The following IL1RAPL2 variants were observed in gnomAD, a reference collection of about 807,000 sequenced individuals.
IL1RAPL2 encodes the protein interleukin 1 receptor accessory protein like 2.
A neutral mutation model predicts 44.1 loss-of-function variants in IL1RAPL2; 3 were observed. That is an observed-to-expected ratio of 0.07 (90% confidence interval 0.03 to 0.18). IL1RAPL2 has a LOEUF of 0.18. IL1RAPL2 is among the 10% of genes least tolerant of loss of function. The pLI is 1.00. For missense variants in IL1RAPL2, 391 were observed against 496.4 expected, an observed-to-expected ratio of 0.79 and a Z score of 2.02; for synonymous variants, 181 against 178.8, an observed-to-expected ratio of 1.01 and a Z score of -0.10.
At chrX:105,480,953 G>A (rs941815423) in intron 5 of IL1RAPL2, among the ~76,000 whole-genome samples, 3 of 111,823 alleles carry the variant, frequency 2.7e-5, no homozygotes, top group African/African-American at 6.5e-5. Context: ...ATTTAAAGAG[G>A]CACCATAGCC....
chrX:105,679,427 T>G (rs766629298), intron 6 of IL1RAPL2, among the ~76,000 whole-genome samples: 4 of 111,959 alleles, frequency 3.6e-5, no homozygotes, highest in Non-Finnish European at 7.5e-5. Context: ...TTTATTCATA[T>G]GGTATGAGGG....
chrX:105,245,846 A>G (rs1196147600), intron 4 of IL1RAPL2, among the ~76,000 whole-genome samples: 1 of 112,661 alleles, frequency 8.9e-6, no homozygotes, highest in Admixed American at 9.4e-5. Flanking sequence ...TCTGGTGTTA[A>G]TAAGGTCAAG....
chrX:105,247,408 A>T (rs2034228611), intron 4 of IL1RAPL2, among the ~76,000 whole-genome samples: 1 of 111,170 alleles, frequency 9.0e-6, no homozygotes, highest in South Asian at 3.8e-4. Flanking sequence ...TCCAGAAACA[A>T]ATCCTGTAAT....
chrX:104,612,287 T>G (rs1435146253), intron 1 of IL1RAPL2, among the ~76,000 whole-genome samples: 1 of 112,037 alleles, frequency 8.9e-6, no homozygotes, highest in Non-Finnish European at 1.9e-5. Context: ...TGGTGTTGCC[T>G]AGGTTTTCTT....
At chrX:104,591,191 GT>G (rs1928658300) in intron 1 of IL1RAPL2, among the ~76,000 whole-genome samples, 1 of 111,023 alleles carries the variant, frequency 9.0e-6, no homozygotes, top group African/African-American at 3.3e-5. Context: ...GCTTCCTTTC[GT>G]TTGACTTTGT....
At chrX:105,444,748 C>T (rs2035943707) in intron 5 of IL1RAPL2, among the ~76,000 whole-genome samples, 1 of 110,820 alleles carries the variant, frequency 9.0e-6, no homozygotes, top group Admixed American at 9.6e-5. Flanking sequence ...ATCAACCCAT[C>T]ATCTAGGTTT....
intron 1 of IL1RAPL2, among the ~76,000 whole-genome samples, chrX:104,618,822 G>T (rs1164439379): frequency 9.0e-6 from 1 of 111,411 alleles, no homozygotes; most frequent in Non-Finnish European, 1.9e-5. Context: ...GCTATACCAG[G>T]ATCTATGCCC....
At chrX:105,072,557 C>T (rs1374292382) in intron 2 of IL1RAPL2, among the ~76,000 whole-genome samples, 1 of 110,362 alleles carries the variant, frequency 9.1e-6, no homozygotes, top group East Asian at 2.9e-4. Context: ...GTGATGTGGA[C>T]AATGAAATCC....
At chrX:105,232,980 G>C (rs2147635570) in intron 3 of IL1RAPL2, among the ~76,000 whole-genome samples, 1 of 112,058 alleles carries the variant, frequency 8.9e-6, no homozygotes, top group Non-Finnish European at 1.9e-5. Context: ...GCACATCTTA[G>C]TGAGTACCTT....
chrX:104,633,393 T>A (rs1053601894), intron 1 of IL1RAPL2, among the ~76,000 whole-genome samples: 10 of 111,822 alleles, frequency 8.9e-5, no homozygotes, highest in Admixed American at 3.8e-4. Flanking sequence ...TTTCTATTGA[T>A]TGGAATAGTT....
chrX:104,990,943 G>T (rs2147731825), intron 2 of IL1RAPL2, among the ~76,000 whole-genome samples: 1 of 111,146 alleles, frequency 9.0e-6, no homozygotes, highest in African/African-American at 3.3e-5. Context: ...CTTTAGTAAG[G>T]ATATTTGGCC....
chrX:105,301,616 A>G (rs747415366), intron 5 of IL1RAPL2, among the ~76,000 whole-genome samples: 70 of 111,134 alleles, frequency 6.3e-4, no homozygotes, highest in African/African-American at 2.2e-3. Flanking sequence ...AAATGAGAAC[A>G]TGCCACATTC....
At chrX:105,609,591 C>T (rs1463429839) in intron 6 of IL1RAPL2, among the ~76,000 whole-genome samples, 4 of 111,712 alleles carry the variant, frequency 3.6e-5, no homozygotes, top group Admixed American at 1.9e-4. Flanking sequence ...TCTGTCCCAT[C>T]CTCAGTCCAG....
intron 2 of IL1RAPL2, among the ~76,000 whole-genome samples, chrX:105,002,362 A>G (rs1049561776): frequency 1.8e-5 from 2 of 111,186 alleles, no homozygotes; most frequent in Admixed American, 1.9e-4. Flanking sequence ...CATACATATG[A>G]TGCCTTGAAA....
At chrX:105,024,452 C>A (rs1381909958) in intron 2 of IL1RAPL2, among the ~76,000 whole-genome samples, 1 of 111,146 alleles carries the variant, frequency 9.0e-6, no homozygotes, top group East Asian at 2.8e-4. Flanking sequence ...CTATCGAGCA[C>A]AGATAATTAA....
intron 5 of IL1RAPL2, among the ~76,000 whole-genome samples, chrX:105,310,947 G>A (rs2034792489): frequency 9.0e-6 from 1 of 111,554 alleles, no homozygotes; most frequent in Admixed American, 9.6e-5. Context: ...TTATGGCTTA[G>A]TGTATTTCTT....
At chrX:105,635,743 C>T (rs2037518882) in intron 6 of IL1RAPL2, among the ~76,000 whole-genome samples, 1 of 111,795 alleles carries the variant, frequency 8.9e-6, no homozygotes. Context: ...TGGACTTAAA[C>T]CTAAATCTGT....
At chrX:104,731,761 C>A (rs1931924469) in intron 2 of IL1RAPL2, among the ~76,000 whole-genome samples, 1 of 111,817 alleles carries the variant, frequency 8.9e-6, no homozygotes, top group South Asian at 3.7e-4. Flanking sequence ...AGAAAAAAAT[C>A]AGTGCTTATG....
intron 5 of IL1RAPL2, chrX:105,405,826 A>T: frequency 8.5e-7 from 1 of 1,176,555 alleles, no homozygotes; most frequent in Middle Eastern, 3.2e-4. Context: ...ACTTTATCTG[A>T]TTTGCTTTCT....
Sources: gnomAD v4.1 joint callset for allele counts (sites outside exome capture counted in the v4.1 genomes callset) on GRCh38, gnomAD v4.1.1 for gene constraint, MANE v1.5 for transcripts, NCBI Gene and HGNC (gene_info 2026-07-23, HGNC 2026-07-21) for gene names.